RNF17: variants seen among roughly 807,000 people sequenced by gnomAD.
The protein encoded by RNF17 is spermatogenesis associated 23.
In RNF17, 31 loss-of-function variants were observed where a neutral mutation model predicts 200.5. That is an observed-to-expected ratio of 0.15 (90% confidence interval 0.12 to 0.21). The LOEUF is 0.21. Among genes scored for constraint, RNF17 ranks in the 10% least tolerant of loss-of-function variants. The probability of loss-of-function intolerance (pLI) is 1.00; values close to 1 mark genes in which losing one functional copy is unlikely to be tolerated. For missense variants in RNF17, 1,628 were observed against 1,905.1 expected, an observed-to-expected ratio of 0.85 and a Z score of 2.71; for synonymous variants, 606 against 637.8, an observed-to-expected ratio of 0.95 and a Z score of 0.75.
In RNF17 at chr13:24,876,998, C is replaced by G; in HGVS notation, c.4585C>G (p.Leu1529Val). Residue 1529 changes from leucine to valine, a missense_variant and splice_region_variant, in exon 34 of 36, where the codon CTG becomes GTG. By Grantham distance (32) the Leu-to-Val change is conservative. Around this residue, in one of 5 missense-constraint regions of RNF17, gnomAD observed 609 missense variants for 681.9 expected, o/e 0.89. Coordinates refer to ENST00000255324, the MANE Select transcript of RNF17 (RefSeq NM_031277.3). ...GSTAKLTLNR[L>V]CQIPSHLMRY... ...ATGTAAGAATTTCTTTTGTGACAGA[C>G]TGTGCCAAATTCCTTCTCATCTTAT... 6.3e-7 allele frequency: 1 copy of G among 1,585,946 alleles called. No homozygotes were observed. Among genetic ancestry groups the G allele is most frequent in the South Asian group, 1.2e-5 (1 of 85,396 alleles).
chr13:24,846,234 G>A (rs1891245476), intron 22 of RNF17, among the ~76,000 whole-genome samples: 1 of 152,186 alleles, frequency 6.6e-6, no homozygotes, highest in South Asian at 2.1e-4. Flanking sequence ...TGTCAGAGTT[G>A]TAGTCTACAG....
chr13:24,857,981 AC>A (rs1400188366), intron 25 of RNF17, among the ~76,000 whole-genome samples: 1 of 152,238 alleles, frequency 6.6e-6, no homozygotes, highest in Non-Finnish European at 1.5e-5. Flanking sequence ...AGCTTTAGGA[AC>A]TTTTGAGAAT....
In RNF17 at chr13:24,778,514, C is replaced by T. The variant is rs111239699; in HGVS notation, c.429+108C>T. 833 of 765,942 alleles carry T rather than the reference C, an allele frequency of 1.1e-3. 6 individuals are homozygous for T. In the East Asian group the frequency reaches 0.019, roughly 17 times the overall value. The allele number at this position is 765,942 out of a possible 1,614,324, so 47.4% of individuals were successfully genotyped here. A position where few individuals can be genotyped will look rare whatever the true frequency, so the allele number is the denominator to read the frequency against. ...TTATAGATTCTTTTGGAAGTTTATACGTAACAAGTTAACCCACCCTCTTAC... is the reference window on the plus strand; with the variant it reads ...TTATAGATTCTTTTGGAAGTTTATATGTAACAAGTTAACCCACCCTCTTAC... On this transcript the variant is annotated intron_variant, in intron 4 of 35. Transcript: ENST00000255324.
intron 15 of RNF17, among the ~76,000 whole-genome samples, chr13:24,808,027 C>G (rs1429775761): frequency 6.8e-5 from 10 of 147,344 alleles, no homozygotes; most frequent in African/African-American, 2.5e-4. Context: ...GTACCAGTAC[C>G]ATGCTGTTTT....
At chr13:24,817,964 C>G (rs1593333084) in intron 15 of RNF17, among the ~76,000 whole-genome samples, 1 of 151,700 alleles carries the variant, frequency 6.6e-6, no homozygotes, top group East Asian at 1.9e-4. Flanking sequence ...TTCTCTTTTT[C>G]TGTTGTCTTA....
chr13:24,799,320 C>A, intron 11 of RNF17, 75 bp from the exon 12 acceptor site: 1 of 1,126,846 alleles, frequency 8.9e-7, no homozygotes, highest in Non-Finnish European at 1.3e-6. Flanking sequence ...CGTGGTAGAA[C>A]TAACGTGTCT....
intron 34 of RNF17, 58 bp downstream of exon 34, chr13:24,877,244 A>G (rs1894958744): frequency 3.4e-6 from 5 of 1,450,132 alleles, no homozygotes; most frequent in East Asian, 4.6e-5. Flanking sequence ...GATACTTTGT[A>G]AAGTGTTTGT....
At chr13:24,809,025 T>A (rs1345447227) in intron 15 of RNF17, among the ~76,000 whole-genome samples, 1 of 152,122 alleles carries the variant, frequency 6.6e-6, no homozygotes, top group Non-Finnish European at 1.5e-5. Flanking sequence ...AGCTTTTTGA[T>A]GTGCTGCTGG....
intron 26 of RNF17, 137 bp downstream of exon 26, chr13:24,859,301 C>A: frequency 1.6e-6 from 1 of 637,018 alleles, no homozygotes; most frequent in Non-Finnish European, 2.4e-6. Flanking sequence ...TTATATTGTA[C>A]TTTTATTTGT....
At chr13:24,881,929 T>C (rs1184615179), downstream of RNF17, among the ~76,000 whole-genome samples, 543 of 114,316 alleles carry the variant, frequency 4.7e-3, 68 homozygotes, top group African/African-American at 0.017. Flanking sequence ...TATATAGATA[T>C]ATAGATACAT....
chr13:24,866,088 A>G, intron 29 of RNF17, 56 bp from the exon 30 acceptor site: 1 of 939,622 alleles, frequency 1.1e-6, no homozygotes, highest in Non-Finnish European at 1.7e-6. Flanking sequence ...AAATATGGAA[A>G]GTACCTTAAA....
intron 11 of RNF17, 54 bp downstream of exon 11, chr13:24,796,349 A>G: frequency 8.0e-7 from 1 of 1,253,418 alleles, no homozygotes; most frequent in Non-Finnish European, 1.1e-6. Flanking sequence ...ATAATATAAT[A>G]ACTTGGCCAA....
downstream of RNF17, among the ~76,000 whole-genome samples, chr13:24,882,109 TAG>T (rs1232847114): frequency 4.1e-3 from 28 of 6,846 alleles, 9 homozygotes; most frequent in South Asian, 0.016. Context: ...TACATCTATA[TAG>T]ATATATAGAT....
intron 2 of RNF17, among the ~76,000 whole-genome samples, chr13:24,773,613 A>C (rs558589358): frequency 5.9e-5 from 9 of 152,174 alleles, no homozygotes; most frequent in African/African-American, 1.2e-4. Flanking sequence ...TGTTTGGGTC[A>C]TGGGATCAAC....
intron 28 of RNF17, among the ~76,000 whole-genome samples, chr13:24,864,616 A>G (rs556928658): frequency 1.3e-5 from 2 of 152,336 alleles, no homozygotes; most frequent in South Asian, 2.1e-4. Context: ...TTGGAATTAT[A>G]TATAACTAGT....
intron 19 of RNF17, among the ~76,000 whole-genome samples, chr13:24,843,327 G>A (rs1327645599): frequency 6.6e-6 from 1 of 152,078 alleles, no homozygotes; most frequent in Non-Finnish European, 1.5e-5. Flanking sequence ...GACCATCCTG[G>A]CCAACAAGGT....
chr13:24,884,566 T>C, downstream of RNF17: 1 of 1,108,188 alleles, frequency 9.0e-7, no homozygotes, highest in Non-Finnish European at 1.4e-6. Flanking sequence ...TAATAAAATG[T>C]AAAACATTCC....
At chr13:24,884,262 T>A (rs1171834809), downstream of RNF17, 1 of 1,613,878 alleles carries the variant, frequency 6.2e-7, no homozygotes, top group African/African-American at 1.3e-5. Context: ...AGACACACAG[T>A]CAGTCTGCCT....
intron 16 of RNF17, among the ~76,000 whole-genome samples, chr13:24,830,054 C>T (rs1315524883): frequency 1.3e-5 from 2 of 152,074 alleles, no homozygotes; most frequent in Non-Finnish European, 1.5e-5. Context: ...TTGGTATACC[C>T]GTTTTACAGA....
Sources: gnomAD v4.1 joint callset for allele counts (sites outside exome capture counted in the v4.1 genomes callset) on GRCh38, gnomAD v4.1.1 for gene constraint, gnomAD v4.1.1 regional missense constraint, MANE v1.5 for transcripts, NCBI Gene and HGNC (gene_info 2026-07-23, HGNC 2026-07-21) for gene names.